CNTNAP4: variants seen among roughly 807,000 people sequenced by gnomAD.
CNTNAP4 encodes the protein contactin-associated protein-like 4.
Under a neutral mutation model 148.4 loss-of-function variants are expected in CNTNAP4, and 98 were observed. The ratio of observed to expected loss-of-function variants is 0.66; its 90% confidence interval spans 0.56 to 0.78. The LOEUF (loss-of-function observed/expected upper bound fraction) is 0.78. Ranked by LOEUF, CNTNAP4 falls within the 30% of genes least tolerant of loss-of-function variation. The pLI is 0.00. For missense variants in CNTNAP4, 1,935 were observed against 1,565.6 expected (o/e 1.24, Z -3.98); for synonymous variants, 730 against 565.1 (o/e 1.29, Z -4.14).
intron 10 of CNTNAP4, among the ~76,000 whole-genome samples, chr16:76,473,044 T>G (rs1387235525): frequency 1.3e-5 from 2 of 152,346 alleles, no homozygotes; most frequent in East Asian, 3.8e-4. Flanking sequence ...CTTTCTGGTT[T>G]GATTACCAAC....
intron 14 of CNTNAP4, among the ~76,000 whole-genome samples, chr16:76,498,345 C>G (rs2082478454): frequency 6.6e-6 from 1 of 151,874 alleles, no homozygotes; most frequent in African/African-American, 2.4e-5. Flanking sequence ...TGAGCCAAAA[C>G]TGTGCTACTG....
intron 3 of CNTNAP4, among the ~76,000 whole-genome samples, chr16:76,368,794 A>T (rs1200548569): frequency 6.6e-6 from 1 of 152,164 alleles, no homozygotes; most frequent in African/African-American, 2.4e-5. Flanking sequence ...CACATCCTGC[A>T]CGTGTATCCC....
rs760849918 is a variant in CNTNAP4, at chr16:76,498,612, A to G, written c.2283A>G (p.Val761=). The G allele has an allele frequency of 1.2e-6, 2 of 1,612,704 alleles. No individual in the cohort carries two copies. The highest frequency in any genetic ancestry group is 1.7e-6 in the Non-Finnish European group (2 of 1,179,220). ...TTGCTTATAAAGAACATCTTCCAGT[A>G]ACTAAGATCGTGATTACAGACACAG... ...GLLAYKEHLP[V]TKIVITDTGR... is the part of the protein sequence containing the mutation. Residue 761 remains valine, a synonymous_variant, in exon 15 of 24, where the codon GTA becomes GTG. Coordinates refer to ENST00000611870, the MANE Select transcript of CNTNAP4 (RefSeq NM_033401.5).
At chr16:76,358,577 G>A (rs2013004544) in intron 3 of CNTNAP4, among the ~76,000 whole-genome samples, 2 of 152,130 alleles carry the variant, frequency 1.3e-5, no homozygotes, top group East Asian at 1.9e-4. Flanking sequence ...TATGAAGCTG[G>A]AAAGGTGTGA....
chr16:76,464,678 A>G (rs1223025874), intron 9 of CNTNAP4, among the ~76,000 whole-genome samples: 3 of 152,134 alleles, frequency 2.0e-5, no homozygotes, highest in Non-Finnish European at 4.4e-5. Context: ...AGCCCGGGTT[A>G]TACCTCCACT....
chr16:76,501,969 T>A (rs1287831782), intron 15 of CNTNAP4, among the ~76,000 whole-genome samples: 1 of 150,928 alleles, frequency 6.6e-6, no homozygotes, highest in Admixed American at 6.6e-5. Context: ...CTTGGGAGGC[T>A]GAGGCAGGAG....
chr16:76,292,837 A>T (rs946398713), intron 1 of CNTNAP4, among the ~76,000 whole-genome samples: 19 of 152,238 alleles, frequency 1.2e-4, no homozygotes, highest in African/African-American at 4.6e-4. Context: ...TGAAAAAGAA[A>T]ACACTTCAGA....
intron 3 of CNTNAP4, among the ~76,000 whole-genome samples, chr16:76,383,827 G>C (rs1597381337): frequency 1.3e-5 from 2 of 152,284 alleles, no homozygotes; most frequent in Admixed American, 1.3e-4. Context: ...GAGGGGACAT[G>C]GGTGTAGGCG....
At chr16:76,417,545 T>A (rs2079032880) in intron 3 of CNTNAP4, among the ~76,000 whole-genome samples, 1 of 151,636 alleles carries the variant, frequency 6.6e-6, no homozygotes, top group South Asian at 2.1e-4. Flanking sequence ...TAATTTGCAA[T>A]AAAAATTAAA....
intron 2 of CNTNAP4, among the ~76,000 whole-genome samples, chr16:76,337,098 A>C (rs960455976): frequency 4.6e-5 from 7 of 152,204 alleles, no homozygotes; most frequent in African/African-American, 1.7e-4. Flanking sequence ...TAGTGATCTT[A>C]AAATATTATT....
intron 7 of CNTNAP4, among the ~76,000 whole-genome samples, chr16:76,451,299 A>C (rs2080463098): frequency 1.3e-5 from 2 of 152,178 alleles, no homozygotes; most frequent in Admixed American, 1.3e-4. Flanking sequence ...AGAAGCAGAC[A>C]AGTAAGGGGA....
intron 1 of CNTNAP4, among the ~76,000 whole-genome samples, chr16:76,315,132 T>C (rs1961570621): frequency 2.0e-5 from 3 of 152,186 alleles, no homozygotes; most frequent in Non-Finnish European, 4.4e-5. Context: ...AGCACTGTTT[T>C]ATTTGTTCTT....
At chr16:76,468,266 G>C (rs541682556) in intron 10 of CNTNAP4, among the ~76,000 whole-genome samples, 90 of 152,136 alleles carry the variant, frequency 5.9e-4, no homozygotes, top group African/African-American at 2.0e-3. Context: ...CTGAAATCAG[G>C]AGTTCGAGAC....
intron 13 of CNTNAP4, among the ~76,000 whole-genome samples, chr16:76,491,404 G>A (rs762195884): frequency 5.9e-5 from 9 of 152,212 alleles, no homozygotes; most frequent in Non-Finnish European, 1.2e-4. Flanking sequence ...ATGAATCTCA[G>A]TCTTTGTTTT....
At chr16:76,333,955 T>G (rs1361129743) in intron 2 of CNTNAP4, among the ~76,000 whole-genome samples, 2 of 151,968 alleles carry the variant, frequency 1.3e-5, no homozygotes, top group Non-Finnish European at 2.9e-5. Context: ...CCATTCTAAC[T>G]GGTGTGAGAT....
At chr16:76,387,246 A>G (rs1045864718) in intron 3 of CNTNAP4, among the ~76,000 whole-genome samples, 4 of 152,226 alleles carry the variant, frequency 2.6e-5, no homozygotes, top group African/African-American at 9.6e-5. Context: ...GTGATATCAC[A>G]AATTTGAAAA....
intron 3 of CNTNAP4, among the ~76,000 whole-genome samples, chr16:76,373,940 A>G (rs1456656072): frequency 1.3e-5 from 2 of 151,976 alleles, no homozygotes; most frequent in East Asian, 3.8e-4. Context: ...CAGGAAGCCA[A>G]AATACTAAGA....
chr16:76,487,576 A>C (rs1417693942), intron 12 of CNTNAP4, among the ~76,000 whole-genome samples: 1 of 152,210 alleles, frequency 6.6e-6, no homozygotes, highest in Non-Finnish European at 1.5e-5. Flanking sequence ...TTAATGAAGC[A>C]CATGAGGTTT....
chr16:76,448,197 T>C lies in CNTNAP4; in HGVS notation c.724T>C (p.Phe242Leu), dbSNP rs899649585. ...ITLQLRRARLFLLINSGEAKL... is the reference protein window; with the variant it reads ...ITLQLRRARLLLLINSGEAKL... ...ACTGCAATTAAGAAGAGCAAGACTC[T>C]TTTTACTTATTAATTCAGGTAAAAC... Residue 242 changes from phenylalanine (F) to leucine (L), a missense_variant, in exon 5 of 24, where the codon TTT becomes CTT. Physicochemically the swap from Phe to Leu is conservative, Grantham distance 22. Transcript: ENST00000611870. 5.0e-6 allele frequency: 8 copies of C among 1,610,758 alleles called. No individual in the cohort carries two copies. The highest frequency in any genetic ancestry group is 6.8e-6 in the Non-Finnish European group (8 of 1,177,882).
Sources: gnomAD v4.1 joint callset for allele counts (sites outside exome capture counted in the v4.1 genomes callset) on GRCh38, gnomAD v4.1.1 for gene constraint, MANE v1.5 for transcripts, NCBI Gene and HGNC (gene_info 2026-07-23, HGNC 2026-07-21) for gene names.